MATR3: variants seen among roughly 807,000 people sequenced by gnomAD.
MATR3 encodes the protein matrin 3.
In MATR3, 4 loss-of-function variants were observed where a neutral mutation model predicts 85.5. The ratio of observed to expected loss-of-function variants is 0.05; its 90% confidence interval spans 0.02 to 0.11. MATR3 has a LOEUF of 0.11. Ranked by LOEUF, MATR3 falls within the 10% of genes least tolerant of loss-of-function variation. The pLI is 1.00. For missense variants in MATR3, 685 were observed against 1,016.1 expected, an observed-to-expected ratio of 0.67 and a Z score of 4.43; for synonymous variants, 336 against 343.1, an observed-to-expected ratio of 0.98 and a Z score of 0.23.
Position 139,318,936 on chromosome 5 carries a change from A to T in MATR3, c.1337A>T (p.Asp446Val), listed in dbSNP as rs749957490. Residue 446 changes from aspartate to valine, a missense_variant, in exon 8 of 15, where the codon GAT (aspartate) becomes GTT (valine). Coordinates refer to ENST00000394805, the MANE Select transcript of MATR3 (RefSeq NM_018834.6). ...EAFIEMATTE[D>V]AQAAVDYYTT... ...TTTATTGAAATGGCAACCACAGAGG[A>T]TGCTCAGGCCGCAGTGGATTATTAC... The T allele has an allele frequency of 6.2e-7, 1 of 1,614,178 alleles. No individual in the cohort carries two copies. The highest frequency in any genetic ancestry group is 1.1e-5 in the South Asian group (1 of 91,084).
Position 139,307,328 on chromosome 5 carries a change from C to T in MATR3, c.-88C>T. On this transcript the variant is annotated 5_prime_UTR_variant, in exon 2 of 15. Transcript: ENST00000394805. This position sits in a 1 kb window ranked among gnomAD's most constrained non-coding sequence, Gnocchi z 4.4. ...TTACCATTTTTGAAGCAAAGTTAAC[C>T]TAGCTTTCTAGTTTGAGCTTTCTTT... 1.3e-6 allele frequency: 2 copies of T among 1,527,840 alleles called. No homozygotes were observed. Among genetic ancestry groups the T allele is most frequent in the Admixed American group, 2.2e-5 (1 of 44,874 alleles). The allele number at this position is 1,527,840 out of a possible 1,614,324, so 94.6% of individuals were successfully genotyped here.
At position 139,308,326 on chromosome 5, in the gene MATR3, A is replaced by C. The variant is rs1754810862; in HGVS notation, c.911A>C (p.Lys304Thr). ...TGTGATTTGCCAGTTCATTCTAATA[A>C]GGTGAGTTAACTCAACAGATGCTTC... is the stretch of plus-strand genomic sequence containing the variant. ...SICDLPVHSN[K>T]EWSQHINGAS... Residue 304 changes from lysine (K) to threonine (T), a missense_variant and splice_region_variant, in exon 2 of 15, where the codon AAG becomes ACG. By Grantham distance (78) the Lys-to-Thr change is moderately conservative. This residue lies in a region of MATR3 where 223 missense variants were observed against 334.4 expected (regional missense o/e 0.67). Transcript: ENST00000394805. The C allele has an allele frequency of 6.2e-7, 1 of 1,614,002 alleles. No individual in the cohort carries two copies. Among genetic ancestry groups the C allele is most frequent in the Non-Finnish European group, 8.5e-7 (1 of 1,179,978 alleles).
chr5:139,287,335 A>G (rs1753736161), intron 3 of MATR3, among the ~76,000 whole-genome samples: 1 of 152,130 alleles, frequency 6.6e-6, no homozygotes, highest in African/African-American at 2.4e-5. Context: ...GTTTCATTAC[A>G]GGGCTGGGAG....
At chr5:139,323,321 AG>A in intron 12 of MATR3, among the ~76,000 whole-genome samples, 1 of 152,254 alleles carries the variant, frequency 6.6e-6, no homozygotes, top group South Asian at 2.1e-4. Flanking sequence ...GTTTGCAGTA[AG>A]TTAACTGACC....
chr5:139,295,094 G>A (rs930139364), intron 1 of MATR3: 3 of 152,070 alleles, frequency 2.0e-5, no homozygotes, highest in Admixed American at 6.5e-5. Context: ...TTTCTCCCAG[G>A]GAAATCTAAA....
intron 3 of MATR3, chr5:139,280,066 A>G (rs1191253505): frequency 1.3e-5 from 2 of 152,234 alleles, no homozygotes; most frequent in Non-Finnish European, 2.9e-5. Context: ...CAGGTAATAT[A>G]ATATTATGCT....
At chr5:139,287,819 A>G (rs1336084260) in intron 3 of MATR3, among the ~76,000 whole-genome samples, 2 of 152,076 alleles carry the variant, frequency 1.3e-5, no homozygotes, top group South Asian at 2.1e-4. Flanking sequence ...CTCCTTGTCA[A>G]TCTCCATCAA....
chr5:139,324,161 A>G (rs994172644), intron 12 of MATR3, among the ~76,000 whole-genome samples: 3 of 152,216 alleles, frequency 2.0e-5, no homozygotes, highest in Non-Finnish European at 4.4e-5. Flanking sequence ...AACCATATGC[A>G]TCTCATACTG....
At chr5:139,278,984 T>C (rs956462534) in intron 2 of MATR3, 1 of 516,332 alleles carries the variant, frequency 1.9e-6, no homozygotes, top group Non-Finnish European at 3.9e-6. Flanking sequence ...ACAATTTTTT[T>C]CTGTTTGCAG....
chr5:139,315,656 G>C (rs750341153), intron 3 of MATR3, 41 bp from the exon 4 acceptor site: 5 of 1,398,644 alleles, frequency 3.6e-6, no homozygotes, highest in Non-Finnish European at 5.1e-6. Flanking sequence ...TTGTGAAAAG[G>C]ACAGTTTTAT....
intron 14 of MATR3, 98 bp downstream of exon 14, chr5:139,326,382 C>A: frequency 1.8e-6 from 2 of 1,136,964 alleles, no homozygotes; most frequent in East Asian, 2.4e-5. Flanking sequence ...TCTCTCTAGA[C>A]TCAGTGCAGT....
intron 1 of MATR3, among the ~76,000 whole-genome samples, chr5:139,302,978 A>G (rs1372681532): frequency 9.9e-5 from 15 of 151,280 alleles, no homozygotes; most frequent in African/African-American, 3.4e-4. Flanking sequence ...TTCCCTGAGT[A>G]TCTCTAGTTT....
rs1224083231 is a variant in MATR3 at position 139,330,539 on chromosome 5, C to T, written c.*1144C>T. ...CTAGAGTGAATTCTAAAGACTGCCG[C>T]TAAAGATCTGAGTTTTAAAAATGTT... On this transcript the variant is annotated 3_prime_UTR_variant, in exon 15 of 15. Coordinates refer to ENST00000394805, the MANE Select transcript of MATR3 (RefSeq NM_018834.6). The T allele has an allele frequency of 2.2e-6, 1 of 453,972 alleles. No individual in the cohort carries two copies. Among genetic ancestry groups the T allele is most frequent in the East Asian group, 6.9e-5 (1 of 14,406 alleles). 28.1% of individuals were successfully genotyped at this position (453,972 alleles called of 1,614,324 possible).
intron 12 of MATR3, among the ~76,000 whole-genome samples, chr5:139,323,690 G>GC (rs1203563936): frequency 6.6e-6 from 1 of 152,120 alleles, no homozygotes; most frequent in African/African-American, 2.4e-5. Flanking sequence ...ATCAGTTGAG[G>GC]CCAGGAGTTC....
At chr5:139,318,860 G>C (rs1290826409) in intron 7 of MATR3, 48 bp from the exon 8 acceptor site, 3 of 1,604,094 alleles carry the variant, frequency 1.9e-6, no homozygotes, top group Non-Finnish European at 2.6e-6. Context: ...TTCAATGTGA[G>C]AAAGCTGATT....
intron 5 of MATR3, 137 bp from the exon 6 acceptor site, chr5:139,316,916 T>C: frequency 1.4e-6 from 1 of 724,378 alleles, no homozygotes; most frequent in Non-Finnish European, 2.5e-6. Context: ...AGAAAAAACA[T>C]TGCATGAAAA....
intron 1 of MATR3, among the ~76,000 whole-genome samples, chr5:139,296,697 G>A (rs1754173006): frequency 1.3e-5 from 2 of 152,118 alleles, no homozygotes; most frequent in African/African-American, 4.8e-5. Flanking sequence ...AATATTCTTA[G>A]GCAAAAATGT....
At chr5:139,279,036 C>A in intron 2 of MATR3, 1 of 490,716 alleles carries the variant, frequency 2.0e-6, no homozygotes, top group East Asian at 5.8e-5. Context: ...CATTCTTTAC[C>A]TCTTTGAATC....
chr5:139,303,985 T>A (rs1277313037), intron 1 of MATR3, among the ~76,000 whole-genome samples: 1 of 152,078 alleles, frequency 6.6e-6, no homozygotes, highest in Non-Finnish European at 1.5e-5. Flanking sequence ...TTCTTTTAAT[T>A]GGAGAAGAAA....
Sources: allele counts gnomAD v4.1 joint callset (sites outside exome capture counted in the v4.1 genomes callset), GRCh38; gene constraint gnomAD v4.1.1; regional missense constraint gnomAD v4.1.1; non-coding constraint Gnocchi (gnomAD v3.1); transcripts MANE v1.5; gene names NCBI Gene and HGNC (gene_info 2026-07-23, HGNC 2026-07-21).